The following ROCK1 variants were observed in gnomAD, a reference collection of about 807,000 sequenced individuals.
ROCK1 encodes rho-associated protein kinase 1.
Under a neutral mutation model 196.8 loss-of-function variants are expected in ROCK1, and 36 were observed. The ratio of observed to expected loss-of-function variants is 0.18; its 90% CI spans 0.14 to 0.24. The LOEUF (loss-of-function observed/expected upper bound fraction) is 0.24. Ranked by LOEUF, ROCK1 falls within the 10% of genes least tolerant of loss-of-function variation. The pLI, the probability that ROCK1 is intolerant of heterozygous loss-of-function variation, is 1.00. For missense variants in ROCK1, 920 were observed against 1,562.0 expected (o/e 0.59, Z 6.93); for synonymous variants, 443 against 515.9 (o/e 0.86, Z 1.91).
chr18:21,045,915 T>TTGAGACGGAGTCTCGCTC (rs2036153240), intron 4 of ROCK1, among the ~76,000 whole-genome samples: 1 of 136,274 alleles, frequency 7.3e-6, no homozygotes, highest in African/African-American at 2.7e-5. Flanking sequence ...TTTTTTTTTT[T>TTGAGACGGAGTCTCGCTC]TTTTTTTTTT....
At position 21,106,650 on chromosome 18, in the gene ROCK1, T is replaced by C. The variant is rs1262677738; in HGVS notation, c.93+4168A>G. ...ATAGCTCCCGATAATCCTTATAAAC[T>C]GTAACATGGACAGTAAGAAAGACAA... is the stretch of plus-strand genomic sequence containing the variant. On this transcript the variant is annotated intron_variant, in intron 1 of 32. Coordinates refer to ENST00000399799, the MANE Select transcript of ROCK1 (RefSeq NM_005406.3). Among the ~76,000 whole-genome samples, 11 of 152,302 alleles carry C rather than the reference T, an allele frequency of 7.2e-5. No individual in the cohort carries two copies. In the East Asian group the frequency reaches 1.4e-3, roughly 19 times the overall value.
At chr18:21,064,982 G>T (rs991871162) in intron 2 of ROCK1, among the ~76,000 whole-genome samples, 7 of 152,194 alleles carry the variant, frequency 4.6e-5, no homozygotes, top group African/African-American at 1.7e-4. Context: ...CACAACTGGG[G>T]ATAGGTGTTA....
At chr18:21,041,505 AT>A (rs1451260203) in intron 8 of ROCK1, among the ~76,000 whole-genome samples, 1 of 152,014 alleles carries the variant, frequency 6.6e-6, no homozygotes, top group African/African-American at 2.4e-5. Flanking sequence ...ATAATATGCC[AT>A]TTTTCTTTCA....
intron 10 of ROCK1, 69 bp downstream of exon 10, chr18:21,028,707 A>G (rs2035982012): frequency 1.5e-6 from 2 of 1,370,188 alleles, no homozygotes; most frequent in African/African-American, 2.9e-5. Flanking sequence ...CTACTTTAAA[A>G]ATGATTTTTA....
At chr18:20,998,158 G>A (rs563924537) in intron 16 of ROCK1, among the ~76,000 whole-genome samples, 13 of 152,128 alleles carry the variant, frequency 8.5e-5, no homozygotes, top group Non-Finnish European at 1.9e-4. Flanking sequence ...TTTTTGAAAC[G>A]ATACAAATAC....
chr18:21,031,661 G>A (rs1399708459), intron 9 of ROCK1, among the ~76,000 whole-genome samples: 1 of 137,844 alleles, frequency 7.3e-6, no homozygotes, highest in African/African-American at 2.7e-5. Flanking sequence ...AGGAAACCAA[G>A]ATATTAGATT....
chr18:21,048,673 C>G (rs1230675350), intron 4 of ROCK1, among the ~76,000 whole-genome samples: 1 of 151,194 alleles, frequency 6.6e-6, no homozygotes, highest in African/African-American at 2.5e-5. Context: ...CTTCAGCCTC[C>G]CCAGTAGCTG....
At chr18:21,069,262 T>C (rs2036363550) in intron 2 of ROCK1, among the ~76,000 whole-genome samples, 1 of 152,138 alleles carries the variant, frequency 6.6e-6, no homozygotes, top group Admixed American at 6.5e-5. Flanking sequence ...TAACTGATTT[T>C]TGAATTTTAT....
intron 1 of ROCK1, among the ~76,000 whole-genome samples, chr18:21,081,495 G>T (rs1021974796): frequency 1.3e-5 from 2 of 152,016 alleles, no homozygotes; most frequent in Admixed American, 1.3e-4. Context: ...ACCCAAAGCT[G>T]ACAGAAGGAA....
intron 22 of ROCK1, among the ~76,000 whole-genome samples, chr18:20,979,643 T>C (rs2035512202): frequency 6.6e-6 from 1 of 151,824 alleles, no homozygotes; most frequent in Non-Finnish European, 1.5e-5. Context: ...ATTAAAAAAA[T>C]AAAAATTGCA....
intron 11 of ROCK1, among the ~76,000 whole-genome samples, chr18:21,023,169 A>C (rs1240456501): frequency 6.6e-6 from 1 of 152,148 alleles, no homozygotes; most frequent in African/African-American, 2.4e-5. Flanking sequence ...GATGGATGGC[A>C]GTGATGGCTG....
At chr18:21,056,176 T>A (rs2036243711) in intron 2 of ROCK1, among the ~76,000 whole-genome samples, 1 of 152,212 alleles carries the variant, frequency 6.6e-6, no homozygotes, top group African/African-American at 2.4e-5. Context: ...CTCACTTCTC[T>A]GGTGGGCTTT....
At position 21,064,488 on chromosome 18, in the gene ROCK1, T is replaced by G. The variant is rs532509979; in HGVS notation, c.175+6044A>C. On this transcript the variant is annotated intron_variant, in intron 2 of 32. Transcript: ENST00000399799. ...GAGCTACAGTTTCTAAGAAAAACAG[T>G]CTTGTTCTTCATGTCTTTAGTAACT... 1.4e-3 allele frequency among the ~76,000 whole-genome samples: 216 copies of G among 152,318 alleles called. 1 individual carries two copies. Among genetic ancestry groups the G allele is most frequent in the Admixed American group, 4.1e-3 (63 of 15,290 alleles).
intron 17 of ROCK1, among the ~76,000 whole-genome samples, chr18:20,991,639 C>CTT (rs199626047): frequency 2.7e-5 from 4 of 146,158 alleles, no homozygotes; most frequent in Admixed American, 2.1e-4. Flanking sequence ...TTTTTCTTTT[C>CTT]TTTTTTTTTT....
chr18:21,055,404 C>A (rs1337208812), intron 2 of ROCK1, among the ~76,000 whole-genome samples: 2 of 152,138 alleles, frequency 1.3e-5, no homozygotes, highest in Non-Finnish European at 2.9e-5. Flanking sequence ...TCGTTCACAG[C>A]TAATGATCTT....
intron 2 of ROCK1, among the ~76,000 whole-genome samples, chr18:21,055,448 C>A (rs985551945): frequency 2.6e-5 from 4 of 152,134 alleles, no homozygotes; most frequent in Non-Finnish European, 4.4e-5. Flanking sequence ...ACGAAACAAT[C>A]AGAAGAAAAC....
chr18:21,074,816 T>C (rs2036415532), intron 1 of ROCK1, among the ~76,000 whole-genome samples: 1 of 152,218 alleles, frequency 6.6e-6, no homozygotes, highest in South Asian at 2.1e-4. Flanking sequence ...TCAAGTGTTA[T>C]AAGTAGGTAC....
intron 1 of ROCK1, among the ~76,000 whole-genome samples, chr18:21,078,341 TAC>T (rs59499705): frequency 0.69 from 88,863 of 128,358 alleles, 32,776 homozygotes; most frequent in Non-Finnish European, 0.82. Context: ...AACACCCACC[TAC>T]ACACACACAC....
chr18:21,110,154 T>C (rs1035339006), intron 1 of ROCK1, among the ~76,000 whole-genome samples: 4 of 152,212 alleles, frequency 2.6e-5, no homozygotes, highest in African/African-American at 9.6e-5. Context: ...AGTGACAATG[T>C]TAAGTGCCAC....
Sources: allele counts gnomAD v4.1 joint callset (sites outside exome capture counted in the v4.1 genomes callset), GRCh38; gene constraint gnomAD v4.1.1; transcripts MANE v1.5; gene names NCBI Gene and HGNC (gene_info 2026-07-23, HGNC 2026-07-21).